Variants in DPP4 observed in about 807,000 individuals in gnomAD.
The protein encoded by DPP4 is dipeptidyl peptidase 4.
In DPP4, 93 loss-of-function variants were observed where a neutral mutation model predicts 122.4. The ratio of observed to expected loss-of-function variants is 0.76; its 90% CI spans 0.64 to 0.90. The LOEUF is 0.90. Ranked by LOEUF, DPP4 falls within the 40% of genes least tolerant of loss-of-function variation. The pLI, the probability that DPP4 is intolerant of heterozygous loss-of-function variation, is 0.00. For synonymous variants in DPP4, 321 were observed against 302.9 expected, an observed-to-expected ratio of 1.06 and a Z score of -0.62; for missense variants, 914 against 907.3, an observed-to-expected ratio of 1.01 and a Z score of -0.09.
In DPP4 at chr2:162,004,842, CTTA is replaced by C. The variant is rs377569073; in HGVS notation, c.2052+900_2052+902del. ...AAAGAAATTGTGTTCTTAAGTTATT[CTTA>C]TTGTTTTTCTTTCTCTTTAATTCAC... On this transcript the variant is annotated intron_variant, in intron 23 of 25. Transcript: ENST00000360534. Among the ~76,000 whole-genome samples, 544 of 152,182 alleles carry C rather than the reference CTTA, an allele frequency of 3.6e-3. 5 individuals are homozygous for C. The highest frequency in any genetic ancestry group is 0.013 in the African/African-American group (526 of 41,530).
rs142542001 is a variant in DPP4, at chr2:162,048,777, T to C, written c.95-1276A>G. 2.0e-3 allele frequency among the ~76,000 whole-genome samples: 299 copies of C among 152,332 alleles called. 1 individual carries two copies. The highest frequency in any genetic ancestry group is 6.9e-3 in the African/African-American group (287 of 41,578). Reference sequence around the variant, plus strand: ...TCGCTCTTGTCATTTAATGACAAAATAGTTGACAACTCTTTTGCTCTGCCT... The same window carrying C: ...TCGCTCTTGTCATTTAATGACAAAACAGTTGACAACTCTTTTGCTCTGCCT... On this transcript the variant is annotated intron_variant, in intron 2 of 25. Transcript: ENST00000360534.
At chr2:162,005,648 A>T in intron 23 of DPP4, 97 bp downstream of exon 23, 1 of 1,116,954 alleles carries the variant, frequency 9.0e-7, no homozygotes, top group Non-Finnish European at 1.3e-6. Flanking sequence ...TTTTGTTGGA[A>T]ATAAAAATAT....
At chr2:162,063,793 A>G (rs979009468) in intron 2 of DPP4, among the ~76,000 whole-genome samples, 1 of 152,186 alleles carries the variant, frequency 6.6e-6, no homozygotes, top group African/African-American at 2.4e-5. Flanking sequence ...AAGAGAGCAG[A>G]GAAAGGGAGT....
intron 7 of DPP4, 58 bp downstream of exon 7, chr2:162,038,891 T>C: frequency 6.7e-7 from 1 of 1,485,580 alleles, no homozygotes; most frequent in Non-Finnish European, 9.4e-7. Context: ...GGTTAGTAAC[T>C]TCTGCCTATG....
Position 162,020,308 on chromosome 2 carries a change from T to C in DPP4, c.1177-12A>G. On this transcript the variant is annotated splice_polypyrimidine_tract_variant and intron_variant, in intron 13 of 25. Transcript: ENST00000360534. ...ATAAATGTGCAGTCCTGATGGTTTT[T>C]TTTTTTTTTCAAAAAAAAAAAAAAG... The C allele has an allele frequency of 1.3e-6, 2 of 1,544,586 alleles. No homozygotes were observed. Among genetic ancestry groups the C allele is most frequent in the Non-Finnish European group, 8.6e-7 (1 of 1,156,594 alleles).
intron 2 of DPP4, among the ~76,000 whole-genome samples, chr2:162,064,564 G>A (rs1684889487): frequency 6.6e-6 from 1 of 151,800 alleles, no homozygotes; most frequent in Admixed American, 6.6e-5. Context: ...TAAAAATTTT[G>A]CCCATCTTAT....
At chr2:162,042,739 C>A (rs1684029730) in intron 5 of DPP4, among the ~76,000 whole-genome samples, 1 of 152,182 alleles carries the variant, frequency 6.6e-6, no homozygotes, top group Non-Finnish European at 1.5e-5. Context: ...TCAGCATCTG[C>A]TATGTGGCCC....
At chr2:162,057,010 G>A (rs926619136) in intron 2 of DPP4, among the ~76,000 whole-genome samples, 1 of 152,088 alleles carries the variant, frequency 6.6e-6, no homozygotes, top group African/African-American at 2.4e-5. Context: ...ATGACTCAGT[G>A]CATAAAGACC....
In DPP4 at chr2:162,022,778, T is replaced by A. The variant is rs201668230; in HGVS notation, c.1045A>T (p.Ser349Cys). 32 of 1,613,926 alleles carry A rather than the reference T, an allele frequency of 2.0e-5. No homozygotes were observed. In the African/African-American group the frequency reaches 3.6e-4, roughly 18 times the overall value. The change falls in exon 12 of 26, where the codon AGT becomes TGT. Residue 349 changes from serine to cysteine, a missense_variant. By Grantham distance (112) the Ser-to-Cys change is moderately radical. Transcript: ENST00000360534. ...ACTCTTCCAACCCAGCCAGTAGTAC[T>A]CATTTCAATGTGTTGCCGTGCCTAG... ...CLVARQHIEM[S>C]TTGWVGRFRP... is the part of the protein sequence containing the mutation.
intron 9 of DPP4, 75 bp downstream of exon 9, chr2:162,035,089 T>C (rs1576054497): frequency 3.5e-6 from 5 of 1,415,096 alleles, no homozygotes; most frequent in Non-Finnish European, 3.8e-6. Flanking sequence ...ATATTTTCAT[T>C]AGCAAGAAGG....
chr2:161,995,087 G>T, intron 24 of DPP4, 53 bp from the exon 25 acceptor site: 1 of 1,582,386 alleles, frequency 6.3e-7, no homozygotes, highest in Non-Finnish European at 8.7e-7. Flanking sequence ...CCAGTTTTCT[G>T]GTACCAAGGG....
chr2:162,030,823 A>G (rs952610061), intron 10 of DPP4, among the ~76,000 whole-genome samples: 1 of 152,318 alleles, frequency 6.6e-6, no homozygotes, highest in East Asian at 1.9e-4. Flanking sequence ...CAAAAAAACA[A>G]TATTCTTTGG....
At position 161,993,184 on chromosome 2, in the gene DPP4, G is replaced by A. The variant is rs199764588; in HGVS notation, c.*99C>T. ...ACCTTAAGTTTCTTGATTTGAGTGT[G>A]TATTTTAAAGATCATCATCATCTTG... On this transcript the variant is annotated 3_prime_UTR_variant, in exon 26 of 26. Coordinates refer to ENST00000360534, the MANE Select transcript of DPP4 (RefSeq NM_001935.4). The A allele has an allele frequency of 2.1e-4, 192 of 935,510 alleles. No individual in the cohort carries two copies. The highest frequency in any genetic ancestry group is 2.3e-4 in the Non-Finnish European group (134 of 592,442). The allele number at this position is 935,510 out of a possible 1,614,324, so 58.0% of individuals were successfully genotyped here.
chr2:162,040,273 T>C (rs1683939263), intron 5 of DPP4, among the ~76,000 whole-genome samples: 1 of 152,126 alleles, frequency 6.6e-6, no homozygotes, highest in Admixed American at 6.5e-5. Context: ...TATAGCAGCT[T>C]TATTCATAAC....
intron 16 of DPP4, 141 bp downstream of exon 16, chr2:162,018,588 A>G: frequency 9.2e-7 from 1 of 1,092,504 alleles, no homozygotes; most frequent in South Asian, 1.8e-5. Flanking sequence ...AAGATTGTTT[A>G]TGCTCACTAC....
intron 8 of DPP4, among the ~76,000 whole-genome samples, chr2:162,036,658 T>A (rs914250197): frequency 6.6e-6 from 1 of 152,214 alleles, no homozygotes; most frequent in Non-Finnish European, 1.5e-5. Context: ...AAGCAGCCTA[T>A]TCTTCCTTTG....
intron 1 of DPP4, 58 bp from the exon 2 acceptor site, chr2:162,073,544 A>G (rs1418347287): frequency 6.4e-6 from 10 of 1,560,546 alleles, no homozygotes; most frequent in Non-Finnish European, 8.8e-6. Flanking sequence ...CAGTTTCCGT[A>G]GGAGGGTCGG....
chr2:162,073,369 T>C (rs201539708), intron 2 of DPP4, 30 bp downstream of exon 2: 15 of 1,611,102 alleles, frequency 9.3e-6, no homozygotes, highest in Non-Finnish European at 1.3e-5. Context: ...GCTCCAACTG[T>C]CCTATCTTTT....
chr2:162,015,888 T>A (rs1682892144), intron 18 of DPP4, among the ~76,000 whole-genome samples: 1 of 152,138 alleles, frequency 6.6e-6, no homozygotes, highest in African/African-American at 2.4e-5. Context: ...GGCTCAAGGG[T>A]AAGCAGCACT....
Sources: gnomAD v4.1 joint callset for allele counts (sites outside exome capture counted in the v4.1 genomes callset) on GRCh38, gnomAD v4.1.1 for gene constraint, MANE v1.5 for transcripts, NCBI Gene and HGNC (gene_info 2026-07-23, HGNC 2026-07-21) for gene names.